Variants in IKZF2 observed in about 807,000 individuals in gnomAD.
IKZF2 encodes IKAROS family zinc finger 2, also known as zinc finger protein Helios.
IKZF2 carries 15 observed loss-of-function variants against 49.2 expected under a neutral mutation model. The observed-to-expected ratio is 0.30, with a 90% CI of 0.20 to 0.47. The LOEUF is 0.47. Ranked by LOEUF, IKZF2 falls within the 20% of genes least tolerant of loss-of-function variation. IKZF2 has a pLI of 1.00. For synonymous variants in IKZF2, 227 were observed against 221.4 expected, an observed-to-expected ratio of 1.03 and a Z score of -0.23; for missense variants, 567 against 664.6, an observed-to-expected ratio of 0.85 and a Z score of 1.61.
chr2:213,124,237 C>CACTCGCGT (rs1334107540), intron 4 of IKZF2, among the ~76,000 whole-genome samples: 2 of 84,066 alleles, frequency 2.4e-5, no homozygotes, highest in Non-Finnish European at 4.4e-5. Flanking sequence ...CGCACACATG[C>CACTCGCGT]GCTCGCGCGC....
At chr2:213,119,304 GGGCACTGGT>G (rs2059974438) in intron 4 of IKZF2, among the ~76,000 whole-genome samples, 1 of 152,082 alleles carries the variant, frequency 6.6e-6, no homozygotes, top group African/African-American at 2.4e-5. Flanking sequence ...ACCTTTGCTA[GGGCACTGGT>G]GGCATGCCCC....
chr2:213,017,619 A>C (rs559619042), intron 7 of IKZF2, among the ~76,000 whole-genome samples: 80 of 152,184 alleles, frequency 5.3e-4, no homozygotes, highest in African/African-American at 1.8e-3. Context: ...AGGTACCCCA[A>C]GTGTTTTAGA....
chr2:213,056,203 T>C (rs1335420529), intron 5 of IKZF2, among the ~76,000 whole-genome samples: 3 of 151,958 alleles, frequency 2.0e-5, no homozygotes. Context: ...GTGGGCTTTT[T>C]CCTCACTCTA....
intron 6 of IKZF2, among the ~76,000 whole-genome samples, chr2:213,039,076 G>A (rs1208854317): frequency 6.6e-6 from 1 of 151,780 alleles, no homozygotes; most frequent in Non-Finnish European, 1.5e-5. Context: ...TTCTCTGAGG[G>A]CATGTAGCAT....
chr2:213,055,773 T>C (rs1701091549), intron 5 of IKZF2, among the ~76,000 whole-genome samples: 1 of 152,148 alleles, frequency 6.6e-6, no homozygotes, highest in Admixed American at 6.6e-5. Context: ...TATGAAAGGT[T>C]CGTATTAAAA....
chr2:213,057,151 A>T, intron 4 of IKZF2, 52 bp from the exon 5 acceptor site: 1 of 1,476,518 alleles, frequency 6.8e-7, no homozygotes, highest in Non-Finnish European at 9.2e-7. Flanking sequence ...ATGTATTCTC[A>T]CCTACATCTC....
chr2:213,074,954 A>G (rs1703098792), intron 4 of IKZF2, among the ~76,000 whole-genome samples: 1 of 152,192 alleles, frequency 6.6e-6, no homozygotes, highest in Non-Finnish European at 1.5e-5. Context: ...TTTTCTTAAA[A>G]CTAACTTCCA....
intron 4 of IKZF2, among the ~76,000 whole-genome samples, chr2:213,117,160 C>T (rs1200706480): frequency 1.3e-5 from 2 of 152,064 alleles, no homozygotes; most frequent in African/African-American, 2.4e-5. Context: ...CTCCTGACCC[C>T]AATAAACAGA....
intron 4 of IKZF2, among the ~76,000 whole-genome samples, chr2:213,098,846 T>A (rs1369762509): frequency 6.6e-6 from 1 of 152,174 alleles, no homozygotes; most frequent in Non-Finnish European, 1.5e-5. Flanking sequence ...GTCATTCTGC[T>A]GGAGCTAGAT....
intron 4 of IKZF2, among the ~76,000 whole-genome samples, chr2:213,099,230 A>G (rs928689558): frequency 2.0e-5 from 3 of 152,130 alleles, no homozygotes; most frequent in Admixed American, 6.6e-5. Flanking sequence ...TTTTATAAAG[A>G]TAACTGAAGA....
intron 4 of IKZF2, chr2:213,098,009 C>A: frequency 3.8e-6 from 1 of 265,102 alleles, no homozygotes; most frequent in Non-Finnish European, 7.7e-6. Flanking sequence ...AAACAGTTAA[C>A]ATGAATTAAT....
chr2:213,072,195 C>T (rs1345894488), intron 4 of IKZF2, among the ~76,000 whole-genome samples: 1 of 151,842 alleles, frequency 6.6e-6, no homozygotes, highest in Admixed American at 6.6e-5. Flanking sequence ...TTTCTCTTCC[C>T]AATCAAATCA....
At chr2:213,049,584 A>G in intron 6 of IKZF2, 129 bp downstream of exon 6, 1 of 587,396 alleles carries the variant, frequency 1.7e-6, no homozygotes, top group Non-Finnish European at 2.6e-6. Flanking sequence ...CAATTATTTA[A>G]TGTACACCAA....
At chr2:213,118,568 A>G (rs1312626328) in intron 4 of IKZF2, among the ~76,000 whole-genome samples, 3 of 152,242 alleles carry the variant, frequency 2.0e-5, no homozygotes, top group African/African-American at 7.2e-5. Flanking sequence ...TATTAATCAA[A>G]GTTCTTGTTT....
chr2:213,097,438 T>C (rs947711140), intron 4 of IKZF2, among the ~76,000 whole-genome samples: 4 of 152,082 alleles, frequency 2.6e-5, no homozygotes, highest in Admixed American at 2.0e-4. Flanking sequence ...GGCTATTTTT[T>C]CCCCATATTT....
intron 2 of IKZF2, 75 bp from the exon 3 acceptor site, chr2:213,148,719 A>G (rs2061166928): frequency 7.9e-7 from 1 of 1,262,000 alleles, no homozygotes; most frequent in Admixed American, 1.8e-5. Context: ...AACTTATTTG[A>G]AGCTCCAAGC....
chr2:213,132,025 G>A (rs1208504481), intron 4 of IKZF2, among the ~76,000 whole-genome samples: 1 of 152,162 alleles, frequency 6.6e-6, no homozygotes, highest in Non-Finnish European at 1.5e-5. Context: ...TTCTTAAAAT[G>A]TATTAGGCCC....
intron 4 of IKZF2, among the ~76,000 whole-genome samples, chr2:213,137,054 ATGATT>A (rs1172809110): frequency 6.6e-6 from 1 of 152,154 alleles, no homozygotes; most frequent in Non-Finnish European, 1.5e-5. Flanking sequence ...CAGCATTACT[ATGATT>A]TATTTATGTA....
intron 4 of IKZF2, among the ~76,000 whole-genome samples, chr2:213,141,282 C>T (rs894833042): frequency 6.6e-6 from 1 of 151,938 alleles, no homozygotes. Flanking sequence ...AAATATGCAC[C>T]TGCCTAGAGA....
Sources: allele counts gnomAD v4.1 joint callset (sites outside exome capture counted in the v4.1 genomes callset), GRCh38; gene constraint gnomAD v4.1.1; transcripts MANE v1.5; gene names NCBI Gene and HGNC (gene_info 2026-07-23, HGNC 2026-07-21).